Variants in ARB2A observed in about 807,000 individuals in gnomAD.
The protein encoded by ARB2A is ARB2 cotranscriptional regulator A, also known as cotranscriptional regulator ARB2A.
At chr5:93,641,726 A>G in the ARB2A span, among the ~76,000 whole-genome samples, 1 of 152,232 alleles carries the variant, frequency 6.6e-6, no homozygotes, top group African/African-American at 2.4e-5. Context: ...CAAATGATAA[A>G]CTTCTATAGT....
the ARB2A span, among the ~76,000 whole-genome samples, chr5:93,870,000 T>C: frequency 1.3e-5 from 2 of 152,218 alleles, no homozygotes; most frequent in African/African-American, 2.4e-5. Flanking sequence ...GTGAGACAGC[T>C]AGAAAGCAGG....
At chr5:93,963,092 A>G in the ARB2A span, among the ~76,000 whole-genome samples, 2 of 152,168 alleles carry the variant, frequency 1.3e-5, no homozygotes, top group African/African-American at 4.8e-5. Context: ...TGCTCTTTAA[A>G]TATCATTCTT....
At chr5:93,835,071 G>A in the ARB2A span, among the ~76,000 whole-genome samples, 1 of 152,220 alleles carries the variant, frequency 6.6e-6, no homozygotes, top group African/African-American at 2.4e-5. Flanking sequence ...TGGTGGCAGA[G>A]TGCATAGGAT....
At chr5:93,829,288 T>G in the ARB2A span, among the ~76,000 whole-genome samples, 1 of 152,104 alleles carries the variant, frequency 6.6e-6, no homozygotes, top group Admixed American at 6.6e-5. Flanking sequence ...CAACTCGAAG[T>G]AACCTAATTG....
At chr5:93,995,117 AT>A in the ARB2A span, among the ~76,000 whole-genome samples, 1 of 152,216 alleles carries the variant, frequency 6.6e-6, no homozygotes, top group African/African-American at 2.4e-5. Context: ...AAAGTACAGT[AT>A]TAAATCATAA....
the ARB2A span, among the ~76,000 whole-genome samples, chr5:94,016,243 C>T: frequency 6.6e-6 from 1 of 152,204 alleles, no homozygotes; most frequent in Non-Finnish European, 1.5e-5. Flanking sequence ...GATACACACA[C>T]ATACACACAC....
chr5:93,969,476 A>G, the ARB2A span, among the ~76,000 whole-genome samples: 8 of 152,136 alleles, frequency 5.3e-5, no homozygotes, highest in Admixed American at 3.9e-4. Context: ...CAGAAAAATA[A>G]TTTTGAGATT....
the ARB2A span, among the ~76,000 whole-genome samples, chr5:93,848,412 A>G: frequency 1.3e-5 from 2 of 151,648 alleles, no homozygotes; most frequent in African/African-American, 4.8e-5. Flanking sequence ...AGAAAAAGAG[A>G]TATTGACTGA....
At chr5:94,009,416 G>A in the ARB2A span, among the ~76,000 whole-genome samples, 4 of 151,866 alleles carry the variant, frequency 2.6e-5, no homozygotes, top group African/African-American at 2.4e-5. Flanking sequence ...TAAGAAGTCT[G>A]CATAAACAAA....
the ARB2A span, among the ~76,000 whole-genome samples, chr5:93,971,998 G>A: frequency 3.5e-4 from 53 of 152,252 alleles, 1 homozygote; most frequent in South Asian, 9.8e-3. Context: ...GGACAAGGAC[G>A]AGGGGAGTAA....
the ARB2A span, chr5:93,621,218 C>A: frequency 2.2e-5 from 28 of 1,290,378 alleles, no homozygotes; most frequent in Non-Finnish European, 2.5e-5. Flanking sequence ...CCCCGGCTCC[C>A]GACCACCCGG....
the ARB2A span, chr5:93,863,257 T>G: frequency 2.6e-5 from 4 of 152,154 alleles, no homozygotes; most frequent in African/African-American, 9.6e-5. Flanking sequence ...TTGGATTTGA[T>G]GGGGTCATTT....
chr5:94,072,004 A>G, the ARB2A span, among the ~76,000 whole-genome samples: 1 of 152,286 alleles, frequency 6.6e-6, no homozygotes, highest in East Asian at 1.9e-4. Flanking sequence ...AAAATGGCAT[A>G]TCTAGACAAT....
At chr5:93,671,049 T>C in the ARB2A span, among the ~76,000 whole-genome samples, 1 of 152,194 alleles carries the variant, frequency 6.6e-6, no homozygotes, top group Non-Finnish European at 1.5e-5. Flanking sequence ...TGACACTGAT[T>C]ATGCACTTGA....
the ARB2A span, among the ~76,000 whole-genome samples, chr5:94,036,869 C>T: frequency 6.6e-6 from 1 of 152,168 alleles, no homozygotes; most frequent in Non-Finnish European, 1.5e-5. Context: ...ACTAGGTTGG[C>T]ATTTCAAGAC....
the ARB2A span, among the ~76,000 whole-genome samples, chr5:93,781,220 T>A: frequency 1.3e-5 from 2 of 152,194 alleles, no homozygotes; most frequent in African/African-American, 4.8e-5. Flanking sequence ...TATGTCCATA[T>A]GTACCCATAG....
the ARB2A span, chr5:93,737,949 CA>C: frequency 2.3e-6 from 1 of 440,704 alleles, no homozygotes; most frequent in African/African-American, 2.0e-5. Context: ...GCCTAAGCAA[CA>C]AAAGAAAAAA....
chr5:93,686,349 A>C, the ARB2A span, among the ~76,000 whole-genome samples: 5 of 152,166 alleles, frequency 3.3e-5, no homozygotes, highest in African/African-American at 7.2e-5. Flanking sequence ...TGACTGCTAG[A>C]TTCCTTGATC....
the ARB2A span, among the ~76,000 whole-genome samples, chr5:93,662,167 T>A: frequency 6.6e-6 from 1 of 152,182 alleles, no homozygotes; most frequent in African/African-American, 2.4e-5. Flanking sequence ...ATGTTAAGAT[T>A]TCAGGGTGAA....
Sources: allele counts gnomAD v4.1 joint callset (sites outside exome capture counted in the v4.1 genomes callset), GRCh38; gene constraint gnomAD v4.1.1; transcripts MANE v1.5; gene names NCBI Gene and HGNC (gene_info 2026-07-23, HGNC 2026-07-21).